Variants in OSBPL6 observed in about 807,000 individuals in gnomAD.
OSBPL6 encodes the protein oxysterol-binding protein-related protein 6.
Under a neutral mutation model 125.8 loss-of-function variants are expected in OSBPL6, and 49 were observed. The ratio of observed to expected loss-of-function variants is 0.39; its 90% CI spans 0.31 to 0.49. OSBPL6 has a LOEUF of 0.49. Among genes scored for constraint, OSBPL6 ranks in the 20% least tolerant of loss-of-function variants. The pLI is 0.88. For missense variants in OSBPL6, 986 were observed against 1,135.4 expected (o/e 0.87, Z 1.89); for synonymous variants, 394 against 391.8 (o/e 1.01, Z -0.07).
At chr2:178,391,473 A>G (rs1333221586) in intron 22 of OSBPL6, among the ~76,000 whole-genome samples, 1 of 152,222 alleles carries the variant, frequency 6.6e-6, no homozygotes, top group Non-Finnish European at 1.5e-5. Context: ...TTCATGAAAA[A>G]TTGCTCAAAG....
intron 1 of OSBPL6, among the ~76,000 whole-genome samples, chr2:178,252,174 T>C (rs964948773): frequency 6.6e-6 from 1 of 152,360 alleles, no homozygotes; most frequent in Non-Finnish European, 1.5e-5. Context: ...TTCTTAAAAA[T>C]GGTATAATTG....
In OSBPL6 at chr2:178,361,662, T is replaced by C; in HGVS notation, c.1154-20T>C. 6.2e-7 allele frequency: 1 copy of C among 1,612,528 alleles called. No individual in the cohort carries two copies. ...TCTGCACATATCTGACAGTTTTTTC[T>C]CACTTTTCTCCCCACCCAGTGCATT... On this transcript the variant is annotated intron_variant, in intron 12 of 24. Transcript: ENST00000190611.
At chr2:178,363,248 T>A (rs751191606) in intron 13 of OSBPL6, among the ~76,000 whole-genome samples, 1 of 152,164 alleles carries the variant, frequency 6.6e-6, no homozygotes, top group Non-Finnish European at 1.5e-5. Context: ...AAACAGAGAA[T>A]GGTAAATAAA....
At chr2:178,269,496 C>A (rs182499345) in intron 1 of OSBPL6, among the ~76,000 whole-genome samples, 2 of 152,316 alleles carry the variant, frequency 1.3e-5, no homozygotes, top group African/African-American at 4.8e-5. Flanking sequence ...CATACCAATT[C>A]ATTTTCCCAA....
At chr2:178,394,466 T>G (rs772996606) in intron 24 of OSBPL6, 31 bp downstream of exon 24, 1 of 1,581,848 alleles carries the variant, frequency 6.3e-7, no homozygotes, top group Non-Finnish European at 8.6e-7. Context: ...AGCAAGTTCA[T>G]GTTTTGCAAA....
intron 20 of OSBPL6, 137 bp downstream of exon 20, chr2:178,387,276 A>T: frequency 1.6e-6 from 1 of 614,958 alleles, no homozygotes; most frequent in Non-Finnish European, 2.8e-6. Context: ...AAGTTTTGAG[A>T]ATAGACTCCC....
intron 1 of OSBPL6, among the ~76,000 whole-genome samples, chr2:178,263,751 C>T (rs1487982354): frequency 4.6e-5 from 7 of 151,738 alleles, no homozygotes; most frequent in Admixed American, 3.9e-4. Context: ...GCTTGCAAAA[C>T]GTCATCTCTC....
rs141898537 is a variant in OSBPL6, at chr2:178,282,509, G to A, written c.-350-2418G>A. 2.8e-3 allele frequency among the ~76,000 whole-genome samples: 433 copies of A among 152,306 alleles called. 7 individuals carry two copies. The Middle Eastern group carries it at 0.068, about 24-fold the overall frequency. ...AGGACAGAGGAACGGGGGTGAATGA[G>A]CAAAAAGAGCTGCAGGATAGCACAG... On this transcript the variant is annotated intron_variant, in intron 1 of 24. Coordinates refer to ENST00000190611, the MANE Select transcript of OSBPL6 (RefSeq NM_032523.4).
intron 1 of OSBPL6, chr2:178,230,486 G>T (rs1233239668): frequency 6.6e-6 from 1 of 152,206 alleles, no homozygotes; most frequent in Non-Finnish European, 1.5e-5. Flanking sequence ...AAGTATGGAT[G>T]TATATAATAC....
intron 1 of OSBPL6, among the ~76,000 whole-genome samples, chr2:178,231,344 A>G (rs914907442): frequency 1.3e-5 from 2 of 152,178 alleles, no homozygotes; most frequent in African/African-American, 4.8e-5. Context: ...TGTGGCTGGC[A>G]AAAAGAGAAG....
intron 1 of OSBPL6, among the ~76,000 whole-genome samples, chr2:178,205,275 C>G (rs917681040): frequency 1.3e-5 from 2 of 152,066 alleles, no homozygotes; most frequent in Admixed American, 1.3e-4. Context: ...AGAGAGGAAG[C>G]CAAAGATGAA....
At chr2:178,340,246 G>T (rs1690085651) in intron 11 of OSBPL6, among the ~76,000 whole-genome samples, 1 of 151,986 alleles carries the variant, frequency 6.6e-6, no homozygotes. Context: ...TTTTCTGGCA[G>T]TATAATTTCG....
At chr2:178,225,320 A>G (rs932268564) in intron 1 of OSBPL6, among the ~76,000 whole-genome samples, 1 of 152,178 alleles carries the variant, frequency 6.6e-6, no homozygotes, top group Non-Finnish European at 1.5e-5. Context: ...AACTGTTCTG[A>G]AGACCCCCTC....
chr2:178,362,884 C>T (rs113869598), intron 13 of OSBPL6, among the ~76,000 whole-genome samples: 12 of 152,272 alleles, frequency 7.9e-5, no homozygotes, highest in South Asian at 4.1e-4. Context: ...AAATCCGCTA[C>T]GATTCTGCCA....
intron 6 of OSBPL6, among the ~76,000 whole-genome samples, chr2:178,332,141 T>C (rs1689250230): frequency 6.6e-6 from 1 of 152,158 alleles, no homozygotes; most frequent in Non-Finnish European, 1.5e-5. Flanking sequence ...TAGGTTTCAG[T>C]TTTGTCCCCA....
chr2:178,372,192 G>T lies in OSBPL6; in HGVS notation c.1354G>T (p.Asp452Tyr). ...AATACATTCAGAGTCTATTATTTGTGATCAGGTTGTCAGTGTAAATATTAT... is the reference window on the plus strand; with the variant it reads ...AATACATTCAGAGTCTATTATTTGTTATCAGGTTGTCAGTGTAAATATTAT... ...NRIHSESIICDQVVSVNIIPS... is the reference protein window; with the variant it reads ...NRIHSESIICYQVVSVNIIPS... Residue 452 changes from aspartate (D) to tyrosine (Y), a missense_variant, in exon 14 of 25, where the codon GAT (aspartate) becomes TAT (tyrosine). Physicochemically the swap from Asp to Tyr is radical, Grantham distance 160. This residue lies in a region of OSBPL6 where 843 missense variants were observed against 997.3 expected (regional missense o/e 0.85). Transcript: ENST00000190611. 6.2e-7 allele frequency: 1 copy of T among 1,613,200 alleles called. No homozygotes were observed. Among genetic ancestry groups the T allele is most frequent in the South Asian group, 1.1e-5 (1 of 91,016 alleles).
At chr2:178,302,437 T>C (rs1319830764) in intron 2 of OSBPL6, among the ~76,000 whole-genome samples, 1 of 152,196 alleles carries the variant, frequency 6.6e-6, no homozygotes, top group African/African-American at 2.4e-5. Context: ...GTTCCTACAC[T>C]CTAAAGAATA....
rs527682173 is a variant in OSBPL6 at position 178,285,016 on chromosome 2, C to T, written c.-261C>T. 1.3e-5 allele frequency: 5 copies of T among 398,532 alleles called. No homozygotes were observed. The highest frequency in any genetic ancestry group is 3.6e-5 in the East Asian group (1 of 28,072). 24.7% of individuals were successfully genotyped at this position (398,532 alleles called of 1,614,324 possible). A position where few individuals can be genotyped will look rare whatever the true frequency, so the allele number is the denominator to read the frequency against. On this transcript the variant is annotated 5_prime_UTR_variant, in exon 2 of 25. Coordinates refer to ENST00000190611, the MANE Select transcript of OSBPL6 (RefSeq NM_032523.4). ...CAGATAGCCCCAGCAAGGTCAAAGA[C>T]ATATCATGTCCCAAGGAGAAAAGCT...
rs566286606 is a variant in OSBPL6 at position 178,276,869 on chromosome 2, G to T, written c.-350-8058G>T. ...ATGTGCATTGAGGAGCAAGAACAAT[G>T]AAACCATATCAAGCCACCACAGCTG... On this transcript the variant is annotated intron_variant, in intron 1 of 24. Transcript: ENST00000190611. Among the ~76,000 whole-genome samples the T allele has an allele frequency of 2.7e-4, 41 of 149,572 alleles. 1 individual carries two copies. The South Asian group carries it at 8.0e-3, about 29-fold the overall frequency.
Sources: allele counts gnomAD v4.1 joint callset (sites outside exome capture counted in the v4.1 genomes callset), GRCh38; gene constraint gnomAD v4.1.1; regional missense constraint gnomAD v4.1.1; transcripts MANE v1.5; gene names NCBI Gene and HGNC (gene_info 2026-07-23, HGNC 2026-07-21).